Variants in TENM3 observed in about 807,000 individuals in gnomAD.
TENM3 encodes teneurin transmembrane protein 3, also known as teneurin-3.
TENM3 carries 63 observed loss-of-function variants against 255.1 expected under a neutral mutation model. That is an observed-to-expected ratio of 0.25 (90% CI 0.20 to 0.30). TENM3 has a LOEUF of 0.30. Ranked by LOEUF, TENM3 falls within the 10% of genes least tolerant of loss-of-function variation. The pLI, the probability that TENM3 is intolerant of heterozygous loss-of-function variation, is 1.00. For synonymous variants in TENM3, 1,306 were observed against 1,322.3 expected, an observed-to-expected ratio of 0.99 and a Z score of 0.27; for missense variants, 2,929 against 3,461.1, an observed-to-expected ratio of 0.85 and a Z score of 3.86.
At chr4:181,490,470 G>GT in the TENM3 span, among the ~76,000 whole-genome samples, 24,174 of 151,802 alleles carry the variant, frequency 0.16, 2,259 homozygotes, top group East Asian at 0.33. Flanking sequence ...AACAGTATCT[G>GT]TTTTTTTTCT....
In TENM3 at chr4:182,292,577, G is replaced by T. The variant is rs575508686; in HGVS notation, c.-75-31369G>T. On this transcript the variant is annotated intron_variant, in intron 1 of 27. Coordinates refer to ENST00000511685, the MANE Select transcript of TENM3 (RefSeq NM_001080477.4). ...CCAAAAGGTATATGTTTTTGTCACA[G>T]TTCCTTTGAGATCACAGATCCGCAT... Among the ~76,000 whole-genome samples, 3 of 152,314 alleles carry T rather than the reference G, an allele frequency of 2.0e-5. No individual in the cohort carries two copies. The South Asian group carries it at 6.2e-4, about 32-fold the overall frequency.
At chr4:182,361,583 G>A (rs1344915679) in intron 3 of TENM3, among the ~76,000 whole-genome samples, 1 of 151,814 alleles carries the variant, frequency 6.6e-6, no homozygotes, top group Non-Finnish European at 1.5e-5. Context: ...GCTCCTTTAA[G>A]CACTTCTCTG....
rs1410913237 is a variant in TENM3 at position 182,800,604 on chromosome 4, A to C, written c.*253A>C. 1 of 393,184 alleles carries C rather than the reference A, an allele frequency of 2.5e-6. No individual in the cohort carries two copies. Among genetic ancestry groups the C allele is most frequent in the African/African-American group, 2.1e-5 (1 of 47,212 alleles). 24.4% of individuals were successfully genotyped at this position (393,184 alleles called of 1,614,324 possible). A position where few individuals can be genotyped will look rare whatever the true frequency, so the allele number is the denominator to read the frequency against. The stretch of plus-strand genomic sequence containing the variant: ...ACTGAACGTAGCCAGAGGAAAAAAA[A>C]ATCATCAAGGACAAAGGCCTCGACC... On this transcript the variant is annotated 3_prime_UTR_variant, in exon 28 of 28. Coordinates refer to ENST00000511685, the MANE Select transcript of TENM3 (RefSeq NM_001080477.4).
chr4:182,574,808 A>G (rs560312642), intron 3 of TENM3, among the ~76,000 whole-genome samples: 15 of 152,244 alleles, frequency 9.9e-5, no homozygotes, highest in East Asian at 9.7e-4. Context: ...TTACAATGCA[A>G]TTGCGGATGG....
In TENM3 at chr4:182,258,865, C is replaced by T. The variant is rs566517762; in HGVS notation, c.-76+15389C>T. On this transcript the variant is annotated intron_variant, in intron 1 of 27. Coordinates refer to ENST00000511685, the MANE Select transcript of TENM3 (RefSeq NM_001080477.4). ...TACATAAACATCAGTCTGAGAAGGA[C>T]AAAGCTTTGGTTGTTTGGAAATGGC... 2.0e-5 allele frequency among the ~76,000 whole-genome samples: 3 copies of T among 152,306 alleles called. No individual in the cohort carries two copies. In the South Asian group the frequency reaches 6.2e-4, roughly 32 times the overall value.
the TENM3 span, among the ~76,000 whole-genome samples, chr4:181,488,518 A>G: frequency 2.0e-5 from 3 of 152,166 alleles, no homozygotes; most frequent in Non-Finnish European, 2.9e-5. Context: ...ATTGGGAAAA[A>G]AACTGTAGGA....
At position 182,489,378 on chromosome 4, in the gene TENM3, A is replaced by G. The variant is rs554878777; in HGVS notation, c.512-111546A>G. 3.3e-5 allele frequency among the ~76,000 whole-genome samples: 5 copies of G among 152,280 alleles called. No individual in the cohort carries two copies. The South Asian group carries it at 1.0e-3, about 32-fold the overall frequency. ...ATATTACTCTGACCTAAAATGATTT[A>G]GAGTAGAAATTTCCAAACCAGTTTA... On this transcript the variant is annotated intron_variant, in intron 3 of 27. Coordinates refer to ENST00000511685, the MANE Select transcript of TENM3 (RefSeq NM_001080477.4).
At chr4:182,254,914 T>C (rs1758280287) in intron 1 of TENM3, among the ~76,000 whole-genome samples, 1 of 152,168 alleles carries the variant, frequency 6.6e-6, no homozygotes, top group Non-Finnish European at 1.5e-5. Flanking sequence ...CCCAAACCAG[T>C]GAGCTAAGCA....
the TENM3 span, among the ~76,000 whole-genome samples, chr4:181,980,875 G>A: frequency 1.5e-4 from 22 of 151,592 alleles, no homozygotes; most frequent in Non-Finnish European, 2.9e-4. Context: ...TTTAAAAATT[G>A]GTTTACTGTA....
At chr4:182,287,732 G>C (rs1289600274) in intron 1 of TENM3, among the ~76,000 whole-genome samples, 1 of 151,716 alleles carries the variant, frequency 6.6e-6, no homozygotes, top group Non-Finnish European at 1.5e-5. Context: ...TCCTGCCTCA[G>C]CCTCCCGAGT....
chr4:182,237,083 T>C (rs938582804), intron 1 of TENM3, among the ~76,000 whole-genome samples: 5 of 152,184 alleles, frequency 3.3e-5, no homozygotes, highest in African/African-American at 1.2e-4. Context: ...CTCCCCCTTA[T>C]AAGTGAGAAC....
At chr4:181,605,592 A>AGAAAGAAAGAAAGAAAGAAAAAGAAAG in the TENM3 span, among the ~76,000 whole-genome samples, 2 of 115,940 alleles carry the variant, frequency 1.7e-5, no homozygotes, top group Non-Finnish European at 3.9e-5. Flanking sequence ...AAGGAAAGAA[A>AGAAAGAAAGAAAGAAAGAAAAAGAAAG]GAAAGAAAGA....
the TENM3 span, among the ~76,000 whole-genome samples, chr4:181,565,023 G>A: frequency 6.6e-6 from 1 of 152,104 alleles, no homozygotes; most frequent in African/African-American, 2.4e-5. Flanking sequence ...AGATATTACC[G>A]CAATTGTATA....
chr4:182,676,272 G>A (rs1336380891), intron 7 of TENM3, among the ~76,000 whole-genome samples: 1 of 152,238 alleles, frequency 6.6e-6, no homozygotes, highest in Non-Finnish European at 1.5e-5. Flanking sequence ...CTCCTGGTCA[G>A]TTAGTGGCCT....
At chr4:182,621,729 AAATATATAATATAT>A (rs369871054) in intron 4 of TENM3, among the ~76,000 whole-genome samples, 2 of 83,896 alleles carry the variant, frequency 2.4e-5, no homozygotes, top group South Asian at 6.7e-4. Context: ...ATTATATATA[AAATATATAATATAT>A]AATATATTAT....
At chr4:181,551,834 G>A in the TENM3 span, among the ~76,000 whole-genome samples, 566 of 15,670 alleles carry the variant, frequency 0.036, 1 homozygote, top group African/African-American at 0.082. Context: ...ATATATATAT[G>A]TATATGTGTG....
At chr4:181,964,959 A>C in the TENM3 span, among the ~76,000 whole-genome samples, 1 of 152,190 alleles carries the variant, frequency 6.6e-6, no homozygotes, top group Non-Finnish European at 1.5e-5. Context: ...TTTTCTTGAC[A>C]ATCTAAAGTG....
the TENM3 span, among the ~76,000 whole-genome samples, chr4:181,737,850 G>A: frequency 4.0e-5 from 6 of 151,210 alleles, no homozygotes; most frequent in Non-Finnish European, 7.4e-5. Context: ...CACAGTAATG[G>A]TACTCAAATG....
the TENM3 span, among the ~76,000 whole-genome samples, chr4:181,745,066 T>C: frequency 6.6e-6 from 1 of 152,052 alleles, no homozygotes; most frequent in Non-Finnish European, 1.5e-5. Context: ...AAAGGAGTGA[T>C]TGTGAGTAGA....
Sources: allele counts gnomAD v4.1 joint callset (sites outside exome capture counted in the v4.1 genomes callset), GRCh38; gene constraint gnomAD v4.1.1; transcripts MANE v1.5; gene names NCBI Gene and HGNC (gene_info 2026-07-23, HGNC 2026-07-21).